The following CNTN5 variants were observed in gnomAD, a reference collection of about 807,000 sequenced individuals.
CNTN5 encodes the protein contactin-5.
Under a neutral mutation model 129.1 loss-of-function variants are expected in CNTN5, and 77 were observed. The observed-to-expected ratio is 0.60, with a 90% confidence interval of 0.50 to 0.72. The LOEUF is 0.72. Ranked by LOEUF, CNTN5 falls within the 30% of genes least tolerant of loss-of-function variation. The pLI, the probability that CNTN5 is intolerant of heterozygous loss-of-function variation, is 0.00. For missense variants in CNTN5, 1,478 were observed against 1,328.8 expected, an observed-to-expected ratio of 1.11 and a Z score of -1.75; for synonymous variants, 509 against 465.6, an observed-to-expected ratio of 1.09 and a Z score of -1.20.
In CNTN5 at chr11:100,071,690, T is replaced by G. The variant is rs1350024017; in HGVS notation, c.1300-15T>G. On this transcript the variant is annotated splice_polypyrimidine_tract_variant and intron_variant, in intron 11 of 24. Coordinates refer to ENST00000524871, the MANE Select transcript of CNTN5 (RefSeq NM_014361.4). ...TGTTTACTTTCTAGATCTAATTTTT[T>G]TAATTCCATTACAGAGTAGGGTTGA... 1 of 1,537,740 alleles carries G rather than the reference T, an allele frequency of 6.5e-7. No individual in the cohort carries two copies. Among genetic ancestry groups the G allele is most frequent in the African/African-American group, 1.4e-5 (1 of 72,386 alleles).
intron 3 of CNTN5, among the ~76,000 whole-genome samples, chr11:99,768,239 G>C (rs763232361): frequency 6.6e-6 from 1 of 151,940 alleles, no homozygotes; most frequent in Non-Finnish European, 1.5e-5. Flanking sequence ...TATATTAATA[G>C]TTATATACAT....
chr11:99,881,227 A>C (rs1187998836), intron 6 of CNTN5, among the ~76,000 whole-genome samples: 1 of 152,306 alleles, frequency 6.6e-6, no homozygotes, highest in South Asian at 2.1e-4. Flanking sequence ...TGATCTACAT[A>C]CTACACACTC....
chr11:99,077,700 C>A (rs1327185351), intron 1 of CNTN5, among the ~76,000 whole-genome samples: 1 of 152,152 alleles, frequency 6.6e-6, no homozygotes, highest in African/African-American at 2.4e-5. Context: ...AAGTAATTGA[C>A]CCAGGAGGGC....
chr11:99,348,544 G>T (rs942717530), intron 2 of CNTN5, among the ~76,000 whole-genome samples: 2 of 152,196 alleles, frequency 1.3e-5, no homozygotes, highest in African/African-American at 4.8e-5. Context: ...TGCAAATGGA[G>T]AAACTCCAAC....
intron 2 of CNTN5, among the ~76,000 whole-genome samples, chr11:99,414,847 G>A (rs563523915): frequency 2.0e-5 from 3 of 152,262 alleles, no homozygotes; most frequent in East Asian, 1.9e-4. Context: ...ACAATCAAAC[G>A]GGTGGTCAGA....
intron 23 of CNTN5, among the ~76,000 whole-genome samples, chr11:100,350,124 A>G (rs531058468): frequency 6.6e-6 from 1 of 151,852 alleles, no homozygotes; most frequent in Non-Finnish European, 1.5e-5. Context: ...AAAAAATAAA[A>G]TTTTCACTTT....
At chr11:100,221,329 A>C (rs1390423534) in intron 15 of CNTN5, among the ~76,000 whole-genome samples, 1 of 152,214 alleles carries the variant, frequency 6.6e-6, no homozygotes, top group African/African-American at 2.4e-5. Flanking sequence ...CTACGTCAAA[A>C]TAAGAAGTTT....
intron 17 of CNTN5, among the ~76,000 whole-genome samples, chr11:100,267,325 C>G (rs189409712): frequency 4.0e-5 from 6 of 151,374 alleles, no homozygotes; most frequent in African/African-American, 1.5e-4. Context: ...AGTGTCCCAT[C>G]CTATAAGGAC....
chr11:99,587,518 T>C (rs1211438808), intron 3 of CNTN5, among the ~76,000 whole-genome samples: 1 of 152,188 alleles, frequency 6.6e-6, no homozygotes, highest in Admixed American at 6.5e-5. Context: ...TGCTGTTTGC[T>C]ACTAACGAGG....
intron 1 of CNTN5, among the ~76,000 whole-genome samples, chr11:99,193,655 C>T (rs1858754426): frequency 6.6e-6 from 1 of 152,178 alleles, no homozygotes. Flanking sequence ...GGTATTGGGA[C>T]TTTTCGCACT....
chr11:99,889,321 TGTG>T (rs1948988834), intron 6 of CNTN5, among the ~76,000 whole-genome samples: 5 of 144,810 alleles, frequency 3.5e-5, no homozygotes, highest in African/African-American at 7.8e-5. Context: ...TGTGTGTGTG[TGTG>T]TGTGTGTGTG....
chr11:100,276,857 T>A (rs926019251), intron 18 of CNTN5, among the ~76,000 whole-genome samples: 1 of 151,936 alleles, frequency 6.6e-6, no homozygotes, highest in African/African-American at 2.4e-5. Flanking sequence ...ACAATTAATT[T>A]TTTTTTTTTA....
intron 1 of CNTN5, among the ~76,000 whole-genome samples, chr11:99,204,233 C>T (rs184765509): frequency 6.6e-4 from 100 of 152,270 alleles, no homozygotes; most frequent in Non-Finnish European, 1.1e-3. Flanking sequence ...TCATAAAATG[C>T]TATTTGTTCT....
chr11:99,773,720 G>A (rs367560058), intron 3 of CNTN5, among the ~76,000 whole-genome samples: 3 of 151,848 alleles, frequency 2.0e-5, no homozygotes, highest in Admixed American at 6.6e-5. Context: ...AAATGCGAAC[G>A]TTTAAAGTTG....
chr11:99,961,600 A>C (rs1010252098), intron 8 of CNTN5, among the ~76,000 whole-genome samples: 1 of 152,234 alleles, frequency 6.6e-6, no homozygotes, highest in Non-Finnish European at 1.5e-5. Context: ...ATGGGATTCA[A>C]TAAAGGGGAT....
At chr11:99,499,360 G>A (rs1259359938) in intron 2 of CNTN5, among the ~76,000 whole-genome samples, 1 of 152,078 alleles carries the variant, frequency 6.6e-6, no homozygotes, top group Non-Finnish European at 1.5e-5. Context: ...TCTCCCTCAT[G>A]AATAAGATTA....
At chr11:99,829,775 A>G (rs1466756116) in intron 4 of CNTN5, among the ~76,000 whole-genome samples, 1 of 152,222 alleles carries the variant, frequency 6.6e-6, no homozygotes, top group Non-Finnish European at 1.5e-5. Context: ...GATTTAAAAA[A>G]TTGACCAAGG....
At chr11:99,443,596 T>A (rs117278908) in intron 2 of CNTN5, among the ~76,000 whole-genome samples, 3,449 of 152,240 alleles carry the variant, frequency 0.023, 186 homozygotes, top group East Asian at 0.15. Context: ...TTAATAGCAA[T>A]GGCTCAAATA....
rs546284780 is a variant in CNTN5, at chr11:100,170,796, T to G, written c.1581-20330T>G. 6.6e-5 allele frequency among the ~76,000 whole-genome samples: 10 copies of G among 151,564 alleles called. No individual in the cohort carries two copies. The East Asian group carries it at 1.4e-3, about 21-fold the overall frequency. ...AAAGAAACTTAAACTTCAAGGCAAC[T>G]TCAGAGAAAGGAAAAAAAAAGAATA... On this transcript the variant is annotated intron_variant, in intron 13 of 24. Transcript: ENST00000524871.
Sources: gnomAD v4.1 joint callset for allele counts (sites outside exome capture counted in the v4.1 genomes callset) on GRCh38, gnomAD v4.1.1 for gene constraint, MANE v1.5 for transcripts, NCBI Gene and HGNC (gene_info 2026-07-23, HGNC 2026-07-21) for gene names.